EML5: variants seen among roughly 807,000 people sequenced by gnomAD.
EML5 encodes EMAP like 5, also known as echinoderm microtubule-associated protein-like 5.
EML5 carries 120 observed loss-of-function variants against 250.0 expected under a neutral mutation model. That is an observed-to-expected ratio of 0.48 (90% confidence interval 0.41 to 0.56). The LOEUF (loss-of-function observed/expected upper bound fraction) is 0.56, where lower values mean the gene tolerates loss of function less well. Among genes scored for constraint, EML5 ranks in the 20% least tolerant of loss-of-function variants. The pLI, the probability that EML5 is intolerant of heterozygous loss-of-function variation, is 0.00. For synonymous variants in EML5, 771 were observed against 806.5 expected (o/e 0.96, Z 0.75); for missense variants, 2,006 against 2,437.6 (o/e 0.82, Z 3.73).
At position 88,746,269 on chromosome 14, in the gene EML5, A is replaced by T; in HGVS notation, c.372T>A (p.Val124=). 2 of 1,613,190 alleles carry T rather than the reference A, an allele frequency of 1.2e-6. No homozygotes were observed. The highest frequency in any genetic ancestry group is 1.7e-6 in the Non-Finnish European group (2 of 1,179,492). ...FDLDGQRLVS[V]GLDSKNAVCV... ...AAACTGCATTCTTTGAATCAAGTCCAACTGAAACCAAGCGCTGATTTATGT... is the reference window on the plus strand; with the variant it reads ...AAACTGCATTCTTTGAATCAAGTCCTACTGAAACCAAGCGCTGATTTATGT... Residue 124 remains valine, a synonymous_variant, in exon 3 of 44, where the codon GTT becomes GTA. Transcript: ENST00000554922.
intron 10 of EML5, among the ~76,000 whole-genome samples, chr14:88,708,075 TTTTC>T (rs1566672867): frequency 6.6e-6 from 1 of 152,166 alleles, no homozygotes; most frequent in African/African-American, 2.4e-5. Flanking sequence ...CCTTCCAAAC[TTTTC>T]TTTGAGACTT....
At chr14:88,701,621 G>A (rs1199714880) in intron 14 of EML5, among the ~76,000 whole-genome samples, 1 of 152,096 alleles carries the variant, frequency 6.6e-6, no homozygotes, top group Non-Finnish European at 1.5e-5. Flanking sequence ...AAAAAAGGGA[G>A]GAGTTTTCTC....
chr14:88,663,717 T>G (rs1178714664), intron 23 of EML5, among the ~76,000 whole-genome samples: 1 of 151,764 alleles, frequency 6.6e-6, no homozygotes, highest in Non-Finnish European at 1.5e-5. Flanking sequence ...TTTTTTTTTT[T>G]AGGAATGGGG....
intron 14 of EML5, among the ~76,000 whole-genome samples, chr14:88,699,383 G>A (rs928459893): frequency 6.6e-6 from 1 of 151,738 alleles, no homozygotes; most frequent in Non-Finnish European, 1.5e-5. Flanking sequence ...ATTGCATTGG[G>A]AGTCAACTTC....
Position 88,702,624 on chromosome 14 carries a change from C to A in EML5, c.2060G>T (p.Gly687Val), listed in dbSNP as rs1476117761. ...IRLHFVHGYRGYDCRSNLFYT... is the reference protein window; with the variant it reads ...IRLHFVHGYRVYDCRSNLFYT... ...AAACAGATTACTTCGACAGTCATAA[C>A]CTCTGTAACTAATATAGAAAACAAA... The change falls in exon 14 of 44, where the codon GGT (glycine) becomes GTT (valine). Residue 687 changes from glycine (G) to valine (V), a missense_variant. Gly to Val is a moderately radical substitution (Grantham distance 109). Around this residue, in one of 7 missense-constraint regions of EML5, gnomAD observed 1,375 missense variants for 1,590.3 expected, o/e 0.86. Coordinates refer to ENST00000554922, the MANE Select transcript of EML5 (RefSeq NM_183387.3). The A allele has an allele frequency of 1.3e-6, 2 of 1,571,802 alleles. No homozygotes were observed. The highest frequency in any genetic ancestry group is 1.7e-6 in the Non-Finnish European group (2 of 1,158,838).
At chr14:88,633,989 C>T (rs1180515579) in intron 33 of EML5, among the ~76,000 whole-genome samples, 5 of 152,126 alleles carry the variant, frequency 3.3e-5, no homozygotes, top group Non-Finnish European at 7.3e-5. Context: ...TAAAAAAAAT[C>T]CGCAAGTTTT....
intron 4 of EML5, among the ~76,000 whole-genome samples, chr14:88,740,990 C>T (rs1361070852): frequency 6.6e-6 from 1 of 151,960 alleles, no homozygotes; most frequent in Admixed American, 6.6e-5. Flanking sequence ...TGGCGAAGTC[C>T]CATCTCTGCT....
intron 1 of EML5, among the ~76,000 whole-genome samples, chr14:88,779,483 C>T (rs2094476426): frequency 6.6e-6 from 1 of 151,912 alleles, no homozygotes; most frequent in African/African-American, 2.4e-5. Flanking sequence ...TTACATCATC[C>T]CCAAGAAAAT....
chr14:88,762,445 G>C (rs1209460760), intron 1 of EML5, among the ~76,000 whole-genome samples: 2 of 152,038 alleles, frequency 1.3e-5, no homozygotes, highest in Non-Finnish European at 2.9e-5. Context: ...GGGAGGCAGA[G>C]GTTGCAGTGA....
intron 4 of EML5, 49 bp downstream of exon 4, chr14:88,743,974 G>A (rs773686771): frequency 4.0e-5 from 51 of 1,288,240 alleles, no homozygotes; most frequent in Non-Finnish European, 5.5e-5. Context: ...TATATACTTA[G>A]CAGCAGAGAA....
Position 88,696,894 on chromosome 14 carries a change from A to G in EML5, c.2297T>C (p.Ile766Thr). ...ACCATACTGGTGGTGGCCCTTTAAT[A>G]TGGACAATGGTTTAATGGTCTCTGT... is the stretch of plus-strand genomic sequence containing the variant. ...WDTETIKPLS[I>T]LKGHHQYGVS... Residue 766 changes from isoleucine (I) to threonine (T), a missense_variant, in exon 15 of 44, where the codon ATA (isoleucine) becomes ACA (threonine). Transcript: ENST00000554922. 2 of 1,610,548 alleles carry G rather than the reference A, an allele frequency of 1.2e-6. No individual in the cohort carries two copies. The highest frequency in any genetic ancestry group is 1.7e-6 in the Non-Finnish European group (2 of 1,178,174).
At chr14:88,633,415 C>T (rs889938938) in intron 33 of EML5, among the ~76,000 whole-genome samples, 4 of 152,050 alleles carry the variant, frequency 2.6e-5, no homozygotes, top group Non-Finnish European at 5.9e-5. Context: ...TATACCCCAC[C>T]TGTCATCTCA....
In EML5 at chr14:88,625,087, C is replaced by G. The variant is rs1251037947; in HGVS notation, c.4781G>C (p.Cys1594Ser). 1 of 1,613,976 alleles carries G rather than the reference C, an allele frequency of 6.2e-7. No individual in the cohort carries two copies. The highest frequency in any genetic ancestry group is 2.2e-5 in the East Asian group (1 of 44,886). ...ACACAATATGTGATCTTTCCACACA[C>G]AGACATCACCACTGATGGTACCTGT... Reference protein sequence around the residue: ...TFTGTISGDVCVWKDHILCRI... With the variant: ...TFTGTISGDVSVWKDHILCRI... Residue 1594 changes from cysteine to serine, a missense_variant, in exon 36 of 44, where the codon TGT becomes TCT. This residue lies in a region of EML5 where 405 missense variants were observed against 523.3 expected (regional missense o/e 0.77). Coordinates refer to ENST00000554922, the MANE Select transcript of EML5 (RefSeq NM_183387.3).
chr14:88,619,324 CATTGCACTTCAGCATGGGCA>C (rs1469010669), intron 39 of EML5: 1 of 152,544 alleles, frequency 6.6e-6, no homozygotes, highest in African/African-American at 2.4e-5. Flanking sequence ...GAGATTGCAC[CATTGCACTTCAGCATGGGCA>C]ACAAGAGCAA....
chr14:88,731,690 G>A (rs1253885840), intron 7 of EML5, among the ~76,000 whole-genome samples: 1 of 152,216 alleles, frequency 6.6e-6, no homozygotes, highest in East Asian at 1.9e-4. Flanking sequence ...CACCAACAGT[G>A]TAAAAGTGTT....
intron 2 of EML5, among the ~76,000 whole-genome samples, chr14:88,753,205 C>G (rs2094120590): frequency 6.6e-6 from 1 of 152,186 alleles, no homozygotes; most frequent in African/African-American, 2.4e-5. Context: ...CACCCCAGCT[C>G]TCCTGCAACC....
intron 1 of EML5, among the ~76,000 whole-genome samples, chr14:88,765,645 G>A (rs1185807566): frequency 6.6e-6 from 1 of 152,164 alleles, no homozygotes; most frequent in Non-Finnish European, 1.5e-5. Flanking sequence ...AAAGTCATGT[G>A]TGCTTTGTTT....
chr14:88,710,979 TAAG>T (rs1490791072), intron 10 of EML5, among the ~76,000 whole-genome samples: 1 of 152,144 alleles, frequency 6.6e-6, no homozygotes, highest in South Asian at 2.1e-4. Flanking sequence ...CTAAGAAAAC[TAAG>T]AAGATTAAAG....
intron 8 of EML5, among the ~76,000 whole-genome samples, chr14:88,718,304 C>T (rs1030233020): frequency 3.3e-5 from 5 of 152,066 alleles, no homozygotes; most frequent in East Asian, 1.9e-4. Flanking sequence ...TTAGGCTATG[C>T]GTGGTAACTG....
Sources: gnomAD v4.1 joint callset for allele counts (sites outside exome capture counted in the v4.1 genomes callset) on GRCh38, gnomAD v4.1.1 for gene constraint, gnomAD v4.1.1 regional missense constraint, MANE v1.5 for transcripts, NCBI Gene and HGNC (gene_info 2026-07-23, HGNC 2026-07-21) for gene names.